The following KCNH5 variants were observed in gnomAD, a reference collection of about 807,000 sequenced individuals.
KCNH5 encodes the protein potassium voltage-gated channel subfamily H member 5.
KCNH5 carries 46 observed loss-of-function variants against 96.1 expected under a neutral mutation model. The observed-to-expected ratio is 0.48, with a 90% CI of 0.38 to 0.61. The LOEUF is 0.61. KCNH5 is among the 20% of genes least tolerant of loss of function. The probability of loss-of-function intolerance (pLI) is 0.00; values close to 1 mark genes in which losing one functional copy is unlikely to be tolerated. For synonymous variants in KCNH5, 439 were observed against 449.8 expected, an observed-to-expected ratio of 0.98 and a Z score of 0.30; for missense variants, 907 against 1,225.8, an observed-to-expected ratio of 0.74 and a Z score of 3.88.
intron 8 of KCNH5, among the ~76,000 whole-genome samples, chr14:62,835,184 T>A (rs1207556454): frequency 6.6e-6 from 1 of 152,012 alleles, no homozygotes; most frequent in Non-Finnish European, 1.5e-5. Context: ...ACATTCCAGG[T>A]GGCTGGACAC....
At chr14:63,034,874 A>G (rs1448052947) in intron 1 of KCNH5, among the ~76,000 whole-genome samples, 2 of 152,194 alleles carry the variant, frequency 1.3e-5, no homozygotes, top group East Asian at 1.9e-4. Flanking sequence ...TAACAATTCA[A>G]TGTTTCTACT....
intron 6 of KCNH5, among the ~76,000 whole-genome samples, chr14:62,972,215 T>C (rs976226558): frequency 6.6e-6 from 1 of 152,190 alleles, no homozygotes; most frequent in African/African-American, 2.4e-5. Context: ...CCTATGAGAA[T>C]TAAGCATATG....
At position 62,779,777 on chromosome 14, in the gene KCNH5, G is replaced by C. The variant is rs143775193; in HGVS notation, c.1970C>G (p.Ala657Gly). 2.1e-4 allele frequency: 333 copies of C among 1,613,896 alleles called. 2 individuals are homozygous for C. The highest frequency in any genetic ancestry group is 1.3e-4 in the Admixed American group (8 of 59,964). The part of the protein sequence containing the change: ...LKVLDFYTAF[A>G]NSFSRNLTLT... ...AGTGAGATTCCTTGAGAAGGAGTTT[G>C]CAAAAGCTGTATAAAAGTCCAGGAC... Residue 657 changes from alanine to glycine, a missense_variant, in exon 10 of 11, where the codon GCA (alanine) becomes GGA (glycine). Around this residue, in one of 6 missense-constraint regions of KCNH5, gnomAD observed 57 missense variants for 76.0 expected, o/e 0.75. Transcript: ENST00000322893.
At chr14:62,899,441 A>ATAAC (rs1026823823) in intron 7 of KCNH5, among the ~76,000 whole-genome samples, 2 of 152,148 alleles carry the variant, frequency 1.3e-5, no homozygotes, top group African/African-American at 4.8e-5. Context: ...AAATAAATAA[A>ATAAC]TAAGGTGACA....
chr14:63,044,161 C>G (rs1437298151), intron 1 of KCNH5, among the ~76,000 whole-genome samples: 2 of 152,096 alleles, frequency 1.3e-5, no homozygotes, highest in African/African-American at 2.4e-5. Flanking sequence ...GAAGGAAAAA[C>G]TTAAAAAGAT....
chr14:62,870,755 T>C (rs181684052), intron 7 of KCNH5, among the ~76,000 whole-genome samples: 76 of 152,304 alleles, frequency 5.0e-4, no homozygotes, highest in East Asian at 1.7e-3. Context: ...GTCATTATTA[T>C]ATATAACTTT....
intron 8 of KCNH5, among the ~76,000 whole-genome samples, chr14:62,814,782 C>CAAAGAAAAAA (rs1886941987): frequency 3.0e-5 from 1 of 33,750 alleles, no homozygotes; most frequent in Non-Finnish European, 4.7e-5. Context: ...GACTCCATCT[C>CAAAGAAAAAA]AAAAAAAAAA....
rs775543634 is a variant in KCNH5, at chr14:62,707,634, T to G, written c.2841A>C (p.Val947=). 10 of 1,577,060 alleles carry G rather than the reference T, an allele frequency of 6.3e-6. No individual in the cohort carries two copies. The highest frequency in any genetic ancestry group is 6.0e-6 in the Non-Finnish European group (7 of 1,157,590). Residue 947 remains valine, a synonymous_variant, in exon 11 of 11, where the codon GTA becomes GTC. Coordinates refer to ENST00000322893, the MANE Select transcript of KCNH5 (RefSeq NM_139318.5). ...GGGATTTGGGAGATGAGGCCTGGGG[T>G]ACGCTTTTTTCCGACAGTATTTTTA... ...EILKILSEKS[V]PQASSPKSQM... is the part of the protein sequence containing the mutation.
chr14:62,739,439 G>A (rs1358067046), intron 10 of KCNH5, among the ~76,000 whole-genome samples: 4 of 150,492 alleles, frequency 2.7e-5, no homozygotes, highest in Non-Finnish European at 4.4e-5. Flanking sequence ...CTATTTATGC[G>A]AGAAATTTTT....
rs1471788206 is a variant in KCNH5, at chr14:62,707,845, T to C, written c.2630A>G (p.Lys877Arg). 6.8e-6 allele frequency: 11 copies of C among 1,614,066 alleles called. No individual in the cohort carries two copies. Among genetic ancestry groups the C allele is most frequent in the Non-Finnish European group, 9.3e-6 (11 of 1,180,044 alleles). The change falls in exon 11 of 11, where the codon AAG (lysine) becomes AGG (arginine). Residue 877 changes from lysine (K) to arginine (R), a missense_variant. Coordinates refer to ENST00000322893, the MANE Select transcript of KCNH5 (RefSeq NM_139318.5). ...GITKSDLRLD[K>R]AGEARSPLEH... ...TAGCGGACTTCGGGCCTCCCCAGCCTTATCCAAACGAAGGTCACTTTTTGT... is the reference window on the plus strand; with the variant it reads ...TAGCGGACTTCGGGCCTCCCCAGCCCTATCCAAACGAAGGTCACTTTTTGT...
intron 5 of KCNH5, among the ~76,000 whole-genome samples, chr14:62,984,182 T>C (rs1009752031): frequency 3.3e-5 from 5 of 152,186 alleles, no homozygotes; most frequent in Admixed American, 6.5e-5. Context: ...CATTTTTTGA[T>C]GTATTTTTGT....
chr14:62,784,004 A>G (rs1886271466), intron 9 of KCNH5, among the ~76,000 whole-genome samples: 1 of 151,946 alleles, frequency 6.6e-6, no homozygotes, highest in Non-Finnish European at 1.5e-5. Context: ...ATGTTATTAT[A>G]TATAATTTAT....
At chr14:62,847,110 T>G (rs907167628) in intron 8 of KCNH5, among the ~76,000 whole-genome samples, 7 of 147,994 alleles carry the variant, frequency 4.7e-5, no homozygotes, top group Non-Finnish European at 3.0e-5. Context: ...CTGTATTGTA[T>G]CTTTATTATT....
chr14:62,841,247 T>C (rs2140037315), intron 8 of KCNH5, among the ~76,000 whole-genome samples: 1 of 152,314 alleles, frequency 6.6e-6, no homozygotes. Flanking sequence ...CTTAAAAGTT[T>C]AGTTTATAAA....
At chr14:62,841,049 C>T (rs959118951) in intron 8 of KCNH5, among the ~76,000 whole-genome samples, 1 of 151,110 alleles carries the variant, frequency 6.6e-6, no homozygotes, top group African/African-American at 2.4e-5. Context: ...AATACAAAAT[C>T]AAAAGCAATC....
At chr14:62,926,762 A>G (rs1224167906) in intron 7 of KCNH5, among the ~76,000 whole-genome samples, 1 of 152,028 alleles carries the variant, frequency 6.6e-6, no homozygotes, top group East Asian at 1.9e-4. Flanking sequence ...TTTAATCTTA[A>G]TTACCTTCTT....
chr14:62,782,353 A>G (rs148153296), intron 9 of KCNH5, among the ~76,000 whole-genome samples: 3 of 152,348 alleles, frequency 2.0e-5, no homozygotes, highest in African/African-American at 7.2e-5. Flanking sequence ...TAAAACCACC[A>G]CATGATCATG....
At chr14:62,967,289 C>T (rs557587476) in intron 6 of KCNH5, among the ~76,000 whole-genome samples, 132 of 151,794 alleles carry the variant, frequency 8.7e-4, no homozygotes, top group African/African-American at 3.2e-3. Flanking sequence ...AGTATGTTGC[C>T]CAGGCTATCC....
Position 62,704,243 on chromosome 14 carries a change from A to T in KCNH5, c.*3265T>A, listed in dbSNP as rs180892067. ...GTTGTTTGTAAAAAATACTTAGGAC[A>T]TTTTTAGTCCTATACTTAATGCAAG... is the stretch of plus-strand genomic sequence containing the variant. On this transcript the variant is annotated 3_prime_UTR_variant, in exon 11 of 11. Coordinates refer to ENST00000322893, the MANE Select transcript of KCNH5 (RefSeq NM_139318.5). The T allele has an allele frequency of 1.9e-3, 291 of 152,008 alleles. 2 individuals are homozygous for T. Among genetic ancestry groups the T allele is most frequent in the African/African-American group, 6.7e-3 (278 of 41,542 alleles). 9.4% of individuals were successfully genotyped at this position (152,008 alleles called of 1,614,324 possible).
Sources: gnomAD v4.1 joint callset for allele counts (sites outside exome capture counted in the v4.1 genomes callset) on GRCh38, gnomAD v4.1.1 for gene constraint, gnomAD v4.1.1 regional missense constraint, MANE v1.5 for transcripts, NCBI Gene and HGNC (gene_info 2026-07-23, HGNC 2026-07-21) for gene names.